CASC3: variants seen among roughly 807,000 people sequenced by gnomAD.
CASC3 encodes the protein CASC3 exon junction complex subunit, also known as protein CASC3.
In CASC3, 30 loss-of-function variants were observed where a neutral mutation model predicts 80.5. The observed-to-expected ratio is 0.37, with a 90% CI of 0.28 to 0.51. The LOEUF is 0.51. CASC3 is among the 20% of genes least tolerant of loss of function. CASC3 has a pLI of 0.94. For synonymous variants in CASC3, 312 were observed against 333.6 expected (o/e 0.94, Z 0.70); for missense variants, 824 against 922.2 (o/e 0.89, Z 1.38).
At position 40,171,597 on chromosome 17, in the gene CASC3, A is replaced by T. The variant is rs1989594843; in HGVS notation, c.*1192A>T. On this transcript the variant is annotated 3_prime_UTR_variant, in exon 14 of 14. Coordinates refer to ENST00000264645, the MANE Select transcript of CASC3 (RefSeq NM_007359.5). Reference sequence around the variant, plus strand: ...AACTCCTGGGCTTAAGGCCTAAGGAAGCCAGTCACCTTCTGGGCAAGGGCT... The same window carrying T: ...AACTCCTGGGCTTAAGGCCTAAGGATGCCAGTCACCTTCTGGGCAAGGGCT... The T allele has an allele frequency of 1.0e-6, 1 of 993,394 alleles. No homozygotes were observed. Among genetic ancestry groups the T allele is most frequent in the Admixed American group, 5.7e-5 (1 of 17,564 alleles). 61.5% of individuals were successfully genotyped at this position (993,394 alleles called of 1,614,324 possible).
At chr17:40,148,031 T>C (rs751539343) in intron 3 of CASC3, among the ~76,000 whole-genome samples, 40 of 152,028 alleles carry the variant, frequency 2.6e-4, no homozygotes, top group Non-Finnish European at 5.2e-4. Flanking sequence ...TTTTTTCTTA[T>C]TATAACTTTA....
intron 11 of CASC3, 134 bp downstream of exon 11, chr17:40,168,551 C>T (rs1598432352): frequency 1.3e-6 from 1 of 763,578 alleles, no homozygotes; most frequent in Non-Finnish European, 2.2e-6. Flanking sequence ...CACCAAGACG[C>T]CTCTTAGTGG....
chr17:40,167,683 C>A, intron 9 of CASC3, 71 bp downstream of exon 9: 1 of 1,341,816 alleles, frequency 7.5e-7, no homozygotes, highest in Non-Finnish European at 1.1e-6. Flanking sequence ...AGGCTCCTGG[C>A]TCCTGAATTT....
At chr17:40,165,743 T>C (rs1195333441) in intron 7 of CASC3, among the ~76,000 whole-genome samples, 1 of 151,356 alleles carries the variant, frequency 6.6e-6, no homozygotes, top group Non-Finnish European at 1.5e-5. Context: ...TGTGTTTACA[T>C]AGATATAGTT....
intron 12 of CASC3, 53 bp downstream of exon 12, chr17:40,169,499 C>T: frequency 1.3e-6 from 2 of 1,578,282 alleles, no homozygotes; most frequent in South Asian, 2.3e-5. Context: ...GTGGGCTTTC[C>T]TTCTCCCCAG....
In CASC3 at chr17:40,140,624, G is replaced by C. The variant is rs747983753; in HGVS notation, c.76G>C (p.Gly26Arg). 3.7e-6 allele frequency: 6 copies of C among 1,610,646 alleles called. No individual in the cohort carries two copies. The South Asian group carries it at 6.6e-5, about 18-fold the overall frequency. The change falls in exon 1 of 14, where the codon GGC becomes CGC. Residue 26 changes from glycine (G) to arginine (R), a missense_variant. Around this residue, in one of 3 missense-constraint regions of CASC3, gnomAD observed 159 missense variants for 122.2 expected, o/e 1.30. Coordinates refer to ENST00000264645, the MANE Select transcript of CASC3 (RefSeq NM_007359.5). Reference sequence around the variant, plus strand: ...ATCTGGTGCTTCGGGCTCCGACAGCGGCGGCTCCCCGTTGCGGGGAGGCGG... The same window carrying C: ...ATCTGGTGCTTCGGGCTCCGACAGCCGCGGCTCCCCGTTGCGGGGAGGCGG... ...EESGASGSDS[G>R]GSPLRGGGSC... is the part of the protein sequence containing the mutation.
chr17:40,159,406 G>T (rs1353760445), intron 3 of CASC3, among the ~76,000 whole-genome samples: 1 of 152,056 alleles, frequency 6.6e-6, no homozygotes, highest in African/African-American at 2.4e-5. Context: ...TTTTGAGACA[G>T]TCTCTGTTGT....
Position 40,163,736 on chromosome 17 carries a change from T to G in CASC3, c.1041T>G (p.Ile347Met). Reference protein sequence around the residue: ...GRSGETVKHEISYRSRRLEQT... With the variant: ...GRSGETVKHEMSYRSRRLEQT... ...CTGGTGAGACTGTTAAGCATGAGATTAGTTACCGGTCACGGCGCCTAGAGC... is the reference window on the plus strand; with the variant it reads ...CTGGTGAGACTGTTAAGCATGAGATGAGTTACCGGTCACGGCGCCTAGAGC... Residue 347 changes from isoleucine (I) to methionine (M), a missense_variant, in exon 7 of 14, where the codon ATT becomes ATG. By Grantham distance (10) the Ile-to-Met change is conservative. Around this residue, in one of 3 missense-constraint regions of CASC3, gnomAD observed 464 missense variants for 506.0 expected, o/e 0.92. Coordinates refer to ENST00000264645, the MANE Select transcript of CASC3 (RefSeq NM_007359.5). The G allele has an allele frequency of 6.2e-7, 1 of 1,614,024 alleles. No homozygotes were observed. The highest frequency in any genetic ancestry group is 8.5e-7 in the Non-Finnish European group (1 of 1,180,006).
At chr17:40,163,021 G>A in intron 6 of CASC3, 120 bp downstream of exon 6, 6 of 718,398 alleles carry the variant, frequency 8.4e-6, no homozygotes, top group East Asian at 2.7e-5. Flanking sequence ...AGGAGTTCAA[G>A]ACCAGCCTGG....
intron 3 of CASC3, among the ~76,000 whole-genome samples, chr17:40,144,658 CTTTTT>C (rs939136950): frequency 8.4e-6 from 1 of 119,134 alleles, no homozygotes; most frequent in South Asian, 2.6e-4. Context: ...GCCCAGCCCT[CTTTTT>C]TTTTTTTTTT....
intron 9 of CASC3, 91 bp from the exon 10 acceptor site, chr17:40,167,759 T>G: frequency 7.5e-7 from 1 of 1,335,836 alleles, no homozygotes; most frequent in South Asian, 1.2e-5. Context: ...CATGGAATAT[T>G]GAGAACATCT....
In CASC3 at chr17:40,163,470, A is replaced by T. The variant is rs202203096; in HGVS notation, c.786-11A>T. 1 of 1,594,070 alleles carries T rather than the reference A, an allele frequency of 6.3e-7. No individual in the cohort carries two copies. The highest frequency in any genetic ancestry group is 8.5e-7 in the Non-Finnish European group (1 of 1,171,664). Reference sequence around the variant, plus strand: ...AATTTCCTAACAGTTTCTTCATTCCATTTTTTGTAGATATGGGAGTCCTCC... The same window carrying T: ...AATTTCCTAACAGTTTCTTCATTCCTTTTTTTGTAGATATGGGAGTCCTCC... On this transcript the variant is annotated splice_polypyrimidine_tract_variant and intron_variant, in intron 6 of 13. Coordinates refer to ENST00000264645, the MANE Select transcript of CASC3 (RefSeq NM_007359.5).
At chr17:40,153,737 C>G (rs894118469) in intron 3 of CASC3, among the ~76,000 whole-genome samples, 11 of 152,058 alleles carry the variant, frequency 7.2e-5, no homozygotes, top group Admixed American at 6.6e-5. Context: ...TTCTTGGGCC[C>G]AGGAGTTCGA....
chr17:40,144,633 G>A (rs1241911879), intron 3 of CASC3, among the ~76,000 whole-genome samples: 1 of 150,316 alleles, frequency 6.7e-6, no homozygotes, highest in African/African-American at 2.4e-5. Flanking sequence ...GTGGATTACG[G>A]GTGTGAGCCA....
chr17:40,165,458 C>T (rs996372081), intron 7 of CASC3, among the ~76,000 whole-genome samples: 66 of 152,054 alleles, frequency 4.3e-4, no homozygotes, highest in African/African-American at 1.5e-3. Context: ...CCTCCTAAAG[C>T]GCTGGGATTA....
intron 3 of CASC3, among the ~76,000 whole-genome samples, chr17:40,153,281 C>G (rs1989057237): frequency 6.6e-6 from 1 of 152,070 alleles, no homozygotes; most frequent in Admixed American, 6.6e-5. Context: ...TAGCATAGTT[C>G]CGTCTAGGTT....
At position 40,140,562 on chromosome 17, in the gene CASC3, G is replaced by GGCGGCA. The variant is rs757937019; in HGVS notation, c.18_23dup (p.Gln7_Arg8dup). 2 of 1,608,196 alleles carry GGCGGCA rather than the reference G, an allele frequency of 1.2e-6. No individual in the cohort carries two copies. The highest frequency in any genetic ancestry group is 1.7e-6 in the Non-Finnish European group (2 of 1,179,658). ...GTTCTCCGTAAGATGGCGGACCGGC[G>GGCGGCA]GCGGCAGCGCGCTTCGCAAGACACC... On this transcript the variant is annotated inframe_insertion, in exon 1 of 14. Coordinates refer to ENST00000264645, the MANE Select transcript of CASC3 (RefSeq NM_007359.5).
intron 1 of CASC3, 120 bp downstream of exon 1, chr17:40,140,899 TGAGA>T: frequency 3.6e-6 from 3 of 830,892 alleles, no homozygotes; most frequent in African/African-American, 1.7e-5. Context: ...TTTTTGTTTT[TGAGA>T]GAAAAGGGGA....
intron 3 of CASC3, among the ~76,000 whole-genome samples, chr17:40,155,211 C>T (rs186258096): frequency 5.9e-5 from 9 of 151,670 alleles, no homozygotes; most frequent in South Asian, 2.1e-4. Flanking sequence ...TTGCACGTGA[C>T]GATTTTGGTC....
Sources: gnomAD v4.1 joint callset for allele counts (sites outside exome capture counted in the v4.1 genomes callset) on GRCh38, gnomAD v4.1.1 for gene constraint, gnomAD v4.1.1 regional missense constraint, MANE v1.5 for transcripts, NCBI Gene and HGNC (gene_info 2026-07-23, HGNC 2026-07-21) for gene names.